ZCWPW2: variants seen among roughly 807,000 people sequenced by gnomAD.
The protein encoded by ZCWPW2 is zinc finger CW-type and PWWP domain containing 2.
ZCWPW2 carries 45 observed loss-of-function variants against 46.6 expected under a neutral mutation model. The ratio of observed to expected loss-of-function variants is 0.96; its 90% confidence interval spans 0.76 to 1.24. ZCWPW2 has a LOEUF of 1.24. Ranked by LOEUF, ZCWPW2 falls within the 50% of genes most tolerant of loss-of-function variation. The pLI, the probability that ZCWPW2 is intolerant of heterozygous loss-of-function variation, is 0.00. For missense variants in ZCWPW2, 429 were observed against 403.9 expected (o/e 1.06, Z -0.53); for synonymous variants, 152 against 137.1 (o/e 1.11, Z -0.76).
chr3:28,475,312 A>C (rs1181918389), intron 4 of ZCWPW2, among the ~76,000 whole-genome samples: 3 of 152,062 alleles, frequency 2.0e-5, no homozygotes, highest in African/African-American at 7.2e-5. Context: ...TCTATCATCA[A>C]ATTATGTCCA....
chr3:28,453,094 G>T (rs1430428828), intron 4 of ZCWPW2, among the ~76,000 whole-genome samples: 1 of 152,158 alleles, frequency 6.6e-6, no homozygotes, highest in Non-Finnish European at 1.5e-5. Flanking sequence ...TGACTCCTTG[G>T]TGAATGAATA....
At chr3:28,431,398 A>T (rs901872007) in intron 3 of ZCWPW2, among the ~76,000 whole-genome samples, 3 of 149,840 alleles carry the variant, frequency 2.0e-5, no homozygotes, top group South Asian at 4.3e-4. Context: ...TGCAGGATTA[A>T]TTTTTTTTTT....
rs78424374 is a variant in ZCWPW2 at position 28,463,829 on chromosome 3, A to G, written c.493-14985A>G. Among the ~76,000 whole-genome samples, 1,039 of 151,860 alleles carry G rather than the reference A, an allele frequency of 6.8e-3. 10 individuals carry two copies. Among genetic ancestry groups the G allele is most frequent in the African/African-American group, 0.023 (945 of 41,362 alleles). ...GCAGTCCAGACTGTTCAACAGAGCA[A>G]GACCCTCTGAAAGAAAGAAGGAGGG... On this transcript the variant is annotated intron_variant, in intron 4 of 9. Coordinates refer to ENST00000383768, the MANE Select transcript of ZCWPW2 (RefSeq NM_001040432.4).
chr3:28,468,295 G>A (rs1382525336), intron 4 of ZCWPW2, among the ~76,000 whole-genome samples: 1 of 151,862 alleles, frequency 6.6e-6, no homozygotes, highest in Non-Finnish European at 1.5e-5. Flanking sequence ...AAAAAAGAAC[G>A]AAGCACACCT....
At chr3:28,487,425 T>C (rs933572520) in intron 5 of ZCWPW2, among the ~76,000 whole-genome samples, 6 of 152,234 alleles carry the variant, frequency 3.9e-5, no homozygotes, top group African/African-American at 1.2e-4. Flanking sequence ...TCATTTATGT[T>C]GCATTACTTT....
intron 1 of ZCWPW2, among the ~76,000 whole-genome samples, chr3:28,378,710 G>A (rs958758777): frequency 3.9e-5 from 6 of 152,096 alleles, no homozygotes; most frequent in African/African-American, 1.4e-4. Context: ...GCCTAAGCCA[G>A]TCTAATTCTG....
chr3:28,421,342 A>G lies in ZCWPW2; in HGVS notation c.332+7942A>G, dbSNP rs531534411. On this transcript the variant is annotated intron_variant, in intron 3 of 9. Coordinates refer to ENST00000383768, the MANE Select transcript of ZCWPW2 (RefSeq NM_001040432.4). ...GTGGTAAAAATCTTGGCTTCCTACT[A>G]AGCCTTTTCTGCCACCACCTGAGCA... 5.3e-5 allele frequency among the ~76,000 whole-genome samples: 8 copies of G among 152,190 alleles called. No individual in the cohort carries two copies. The East Asian group carries it at 1.5e-3, about 29-fold the overall frequency.
chr3:28,359,302 A>G (rs1172647807), intron 1 of ZCWPW2, among the ~76,000 whole-genome samples: 1 of 152,104 alleles, frequency 6.6e-6, no homozygotes, highest in East Asian at 1.9e-4. Context: ...TATTGTATTC[A>G]TTAAGTTTGA....
intron 1 of ZCWPW2, among the ~76,000 whole-genome samples, chr3:28,389,423 C>T (rs1468435289): frequency 6.6e-6 from 1 of 152,142 alleles, no homozygotes; most frequent in African/African-American, 2.4e-5. Flanking sequence ...TTTGAAGATA[C>T]TATATGCATG....
intron 4 of ZCWPW2, among the ~76,000 whole-genome samples, chr3:28,471,571 C>T (rs1699042189): frequency 6.6e-6 from 1 of 151,956 alleles, no homozygotes; most frequent in South Asian, 2.1e-4. Context: ...AAAAACCTCA[C>T]AAAACTGGGT....
intron 4 of ZCWPW2, among the ~76,000 whole-genome samples, chr3:28,458,703 C>G (rs1285194655): frequency 6.6e-6 from 1 of 152,132 alleles, no homozygotes; most frequent in Non-Finnish European, 1.5e-5. Flanking sequence ...AATAAGCTAT[C>G]ATTTGTAAAC....
In ZCWPW2 at chr3:28,368,974, A is replaced by G. The variant is rs565509340; in HGVS notation, c.-134+19771A>G. Among the ~76,000 whole-genome samples the G allele has an allele frequency of 1.6e-3, 245 of 152,156 alleles. 3 individuals are homozygous for G. The highest frequency in any genetic ancestry group is 5.5e-3 in the African/African-American group (230 of 41,498). On this transcript the variant is annotated intron_variant, in intron 1 of 9. Coordinates refer to ENST00000383768, the MANE Select transcript of ZCWPW2 (RefSeq NM_001040432.4). ...ATCGGCTACTGAGGCTTGTGCATTC[A>G]TCACGTAGTTCTCGTGCCATGGTTT...
intron 4 of ZCWPW2, among the ~76,000 whole-genome samples, chr3:28,475,163 C>A (rs1223595132): frequency 2.0e-5 from 3 of 151,944 alleles, no homozygotes; most frequent in African/African-American, 7.3e-5. Context: ...GATCTTCCAA[C>A]AAATCTTTCT....
intron 1 of ZCWPW2, among the ~76,000 whole-genome samples, chr3:28,359,817 A>T (rs1287566090): frequency 6.6e-6 from 1 of 152,094 alleles, no homozygotes; most frequent in African/African-American, 2.4e-5. Context: ...CCCCCTACAC[A>T]TTGTAGATTA....
At chr3:28,455,276 A>C (rs1698383049) in intron 4 of ZCWPW2, among the ~76,000 whole-genome samples, 1 of 152,166 alleles carries the variant, frequency 6.6e-6, no homozygotes, top group Non-Finnish European at 1.5e-5. Context: ...GGCGGCATGT[A>C]TGTCTACTTT....
intron 1 of ZCWPW2, among the ~76,000 whole-genome samples, chr3:28,352,367 A>G (rs1485151392): frequency 6.6e-6 from 1 of 152,226 alleles, no homozygotes; most frequent in African/African-American, 2.4e-5. Flanking sequence ...CAGGTTGTCA[A>G]CTTGCATGTA....
At chr3:28,358,524 G>C (rs1045261561) in intron 1 of ZCWPW2, among the ~76,000 whole-genome samples, 1 of 152,072 alleles carries the variant, frequency 6.6e-6, no homozygotes, top group Admixed American at 6.6e-5. Flanking sequence ...TTATGAATCT[G>C]GTTCTCACAT....
chr3:28,479,645 A>G (rs1699360411), intron 5 of ZCWPW2, among the ~76,000 whole-genome samples: 3 of 152,182 alleles, frequency 2.0e-5, no homozygotes, highest in Admixed American at 6.5e-5. Context: ...AGTACACATT[A>G]GTTATTTTTC....
At chr3:28,490,564 A>G (rs1699773588) in intron 5 of ZCWPW2, among the ~76,000 whole-genome samples, 1 of 152,130 alleles carries the variant, frequency 6.6e-6, no homozygotes, top group African/African-American at 2.4e-5. Context: ...AAGATAATGT[A>G]GGAACAGACA....
Sources: gnomAD v4.1 joint callset for allele counts (sites outside exome capture counted in the v4.1 genomes callset) on GRCh38, gnomAD v4.1.1 for gene constraint, MANE v1.5 for transcripts, NCBI Gene and HGNC (gene_info 2026-07-23, HGNC 2026-07-21) for gene names.